The following R3HCC1L variants were observed in gnomAD, a reference collection of about 807,000 sequenced individuals.
The protein encoded by R3HCC1L is R3H domain and coiled-coil containing 1 like.
Under a neutral mutation model 59.9 loss-of-function variants are expected in R3HCC1L, and 51 were observed. The observed-to-expected ratio is 0.85, with a 90% CI of 0.68 to 1.07. The LOEUF (loss-of-function observed/expected upper bound fraction) is 1.07. R3HCC1L is among the 50% of genes least tolerant of loss of function. R3HCC1L has a pLI of 0.00. For synonymous variants in R3HCC1L, 322 were observed against 315.2 expected, an observed-to-expected ratio of 1.02 and a Z score of -0.23; for missense variants, 965 against 933.0, an observed-to-expected ratio of 1.03 and a Z score of -0.45.
At chr10:98,219,560 A>G (rs1854623975) in intron 5 of R3HCC1L, among the ~76,000 whole-genome samples, 4 of 152,076 alleles carry the variant, frequency 2.6e-5, no homozygotes, top group Admixed American at 6.6e-5. Flanking sequence ...TGGTGGTAAC[A>G]TTTGACTTCT....
intron 4 of R3HCC1L, among the ~76,000 whole-genome samples, chr10:98,177,483 A>G (rs911658649): frequency 1.1e-4 from 16 of 152,222 alleles, no homozygotes; most frequent in Admixed American, 3.3e-4. Flanking sequence ...TAGTGCCTCA[A>G]TAAACATATG....
rs141681688 is a variant in R3HCC1L, at chr10:98,168,413, C to T, written c.-15+5016C>T. On this transcript the variant is annotated intron_variant, in intron 4 of 9. Coordinates refer to ENST00000298999, the MANE Select transcript of R3HCC1L (RefSeq NM_001351015.2). ...GAAATCAGTTGGTGCTGATGCATGA[C>T]GACTATAGCCAGTGTAGTATAAAAT... Among the ~76,000 whole-genome samples, 466 of 152,238 alleles carry T rather than the reference C, an allele frequency of 3.1e-3. 5 individuals carry two copies. The highest frequency in any genetic ancestry group is 9.5e-3 in the African/African-American group (395 of 41,548).
At chr10:98,179,278 G>A (rs1590579535) in intron 4 of R3HCC1L, among the ~76,000 whole-genome samples, 1 of 152,314 alleles carries the variant, frequency 6.6e-6, no homozygotes, top group South Asian at 2.1e-4. Context: ...ATGAAAGGTT[G>A]TTGAATTTTG....
intron 4 of R3HCC1L, among the ~76,000 whole-genome samples, chr10:98,167,990 C>A (rs1201180284): frequency 6.6e-6 from 1 of 152,118 alleles, no homozygotes; most frequent in African/African-American, 2.4e-5. Flanking sequence ...AAAGCTTTAT[C>A]CATTTGAGCT....
chr10:98,221,230 G>GT (rs1384683618), intron 5 of R3HCC1L, among the ~76,000 whole-genome samples: 1 of 151,814 alleles, frequency 6.6e-6, no homozygotes, highest in Non-Finnish European at 1.5e-5. Context: ...GGGGTTGTTT[G>GT]TTTTTTTCTT....
chr10:98,149,334 C>T (rs918427492), intron 1 of R3HCC1L, among the ~76,000 whole-genome samples: 5 of 151,932 alleles, frequency 3.3e-5, no homozygotes, highest in Admixed American at 1.3e-4. Flanking sequence ...ATTGGTTTTC[C>T]GTAGTCTAAA....
At chr10:98,232,843 A>T (rs1033541524) in intron 6 of R3HCC1L, among the ~76,000 whole-genome samples, 2 of 152,234 alleles carry the variant, frequency 1.3e-5, no homozygotes, top group South Asian at 2.1e-4. Context: ...CTTTATTTAT[A>T]AAAAGAAGTG....
chr10:98,178,848 G>C (rs1379275631), intron 4 of R3HCC1L, among the ~76,000 whole-genome samples: 1 of 152,192 alleles, frequency 6.6e-6, no homozygotes, highest in Non-Finnish European at 1.5e-5. Context: ...GTTCACTCAT[G>C]ATTTGGCTCT....
At chr10:98,226,350 T>G (rs1855675080) in intron 5 of R3HCC1L, among the ~76,000 whole-genome samples, 1 of 152,206 alleles carries the variant, frequency 6.6e-6, no homozygotes, top group African/African-American at 2.4e-5. Context: ...AGGAATACAT[T>G]TAACAAAAGA....
At position 98,198,059 on chromosome 10, in the gene R3HCC1L, G is replaced by A. The variant is rs140975895; in HGVS notation, c.-14-10042G>A. ...CTTTTAGAAAGTCACTGGAAGCAGT[G>A]TAGAGGTGGGTGAATAGGACTTGGT... is the stretch of plus-strand genomic sequence containing the variant. On this transcript the variant is annotated intron_variant, in intron 4 of 9. Coordinates refer to ENST00000298999, the MANE Select transcript of R3HCC1L (RefSeq NM_001351015.2). 5.4e-3 allele frequency among the ~76,000 whole-genome samples: 824 copies of A among 152,266 alleles called. 4 individuals carry two copies. Among genetic ancestry groups the A allele is most frequent in the African/African-American group, 0.018 (744 of 41,560 alleles).
intron 4 of R3HCC1L, among the ~76,000 whole-genome samples, chr10:98,191,971 C>T (rs571580523): frequency 7.2e-5 from 11 of 152,146 alleles, no homozygotes; most frequent in African/African-American, 2.6e-4. Flanking sequence ...ATTACAGGCA[C>T]CCGCCACCAC....
intron 4 of R3HCC1L, among the ~76,000 whole-genome samples, chr10:98,191,953 T>C (rs972577080): frequency 3.9e-4 from 59 of 152,134 alleles, no homozygotes; most frequent in African/African-American, 1.4e-3. Context: ...GCCTTCCAAG[T>C]AGCTGGGATT....
intron 1 of R3HCC1L, among the ~76,000 whole-genome samples, chr10:98,135,270 T>C (rs1481005234): frequency 1.3e-5 from 2 of 152,308 alleles, no homozygotes; most frequent in South Asian, 2.1e-4. Flanking sequence ...CCCCTCTCAG[T>C]TGTGTACGGG....
At position 98,196,518 on chromosome 10, in the gene R3HCC1L, T is replaced by G. The variant is rs562752406; in HGVS notation, c.-14-11583T>G. ...CAAGTTTTCCTCCAACTCAGCCTCC[T>G]GAGTAGCTGGGACTATAAGGCGTGT... On this transcript the variant is annotated intron_variant, in intron 4 of 9. Transcript: ENST00000298999. Among the ~76,000 whole-genome samples the G allele has an allele frequency of 2.6e-5, 4 of 152,300 alleles. No homozygotes were observed. The South Asian group carries it at 8.3e-4, about 32-fold the overall frequency.
Position 98,209,912 on chromosome 10 carries a change from G to A in R3HCC1L, c.1785+13G>A, listed in dbSNP as rs1027117566. 6.3e-7 allele frequency: 1 copy of A among 1,580,166 alleles called. No individual in the cohort carries two copies. ...TCTTCTACAAGAGGTATGTTTAATT[G>A]AAATTGCTTGATGCTTAGTTAGTTT... On this transcript the variant is annotated intron_variant, in intron 5 of 9. Coordinates refer to ENST00000298999, the MANE Select transcript of R3HCC1L (RefSeq NM_001351015.2).
chr10:98,224,494 C>G (rs796352764), intron 5 of R3HCC1L, among the ~76,000 whole-genome samples: 5 of 152,276 alleles, frequency 3.3e-5, no homozygotes, highest in African/African-American at 1.2e-4. Flanking sequence ...GACTTGTTTT[C>G]AAGACCAGAC....
chr10:98,230,687 CT>C (rs1360481181), intron 5 of R3HCC1L, among the ~76,000 whole-genome samples: 2 of 152,174 alleles, frequency 1.3e-5, no homozygotes, highest in Non-Finnish European at 2.9e-5. Flanking sequence ...AATTTTAGAT[CT>C]TTCCTGCTTT....
intron 6 of R3HCC1L, among the ~76,000 whole-genome samples, chr10:98,232,784 C>T (rs1009146699): frequency 1.3e-5 from 2 of 152,134 alleles, no homozygotes; most frequent in Non-Finnish European, 2.9e-5. Flanking sequence ...CATTGTTAAA[C>T]AGAAGCAAGC....
At chr10:98,194,841 G>T (rs887092170) in intron 4 of R3HCC1L, among the ~76,000 whole-genome samples, 2 of 152,120 alleles carry the variant, frequency 1.3e-5, no homozygotes, top group Admixed American at 1.3e-4. Context: ...GGATGTAGAG[G>T]AATTGGAACC....
Sources: gnomAD v4.1 joint callset for allele counts (sites outside exome capture counted in the v4.1 genomes callset) on GRCh38, gnomAD v4.1.1 for gene constraint, MANE v1.5 for transcripts, NCBI Gene and HGNC (gene_info 2026-07-23, HGNC 2026-07-21) for gene names.